The following PHTF1 variants were observed in gnomAD, a reference collection of about 807,000 sequenced individuals.
The protein encoded by PHTF1 is putative homeodomain transcription factor 1, also known as protein PHTF1.
A neutral mutation model predicts 102.4 loss-of-function variants in PHTF1; 88 were observed. The ratio of observed to expected loss-of-function variants is 0.86; its 90% confidence interval spans 0.72 to 1.03. PHTF1 has a LOEUF of 1.03. PHTF1 is among the 50% of genes least tolerant of loss of function. The pLI, the probability that PHTF1 is intolerant of heterozygous loss-of-function variation, is 0.00. For synonymous variants in PHTF1, 289 were observed against 305.2 expected (o/e 0.95, Z 0.55); for missense variants, 814 against 909.5 (o/e 0.89, Z 1.35).
chr1:113,749,172 A>G (rs1657653852), intron 3 of PHTF1, among the ~76,000 whole-genome samples: 1 of 152,204 alleles, frequency 6.6e-6, no homozygotes, highest in Non-Finnish European at 1.5e-5. Context: ...GGTAGTAATT[A>G]TATCTTTAAA....
At chr1:113,706,229 T>C (rs1650158127) in intron 12 of PHTF1, 67 bp from the exon 13 acceptor site, 1 of 1,300,598 alleles carries the variant, frequency 7.7e-7, no homozygotes, top group East Asian at 2.3e-5. Flanking sequence ...GCAGTATTTA[T>C]CAAACACTAT....
rs140944098 is a variant in PHTF1, at chr1:113,750,661, T to C, written c.102+7038A>G. Among the ~76,000 whole-genome samples the C allele has an allele frequency of 8.8e-4, 133 of 150,832 alleles. No individual in the cohort carries two copies. In the East Asian group the frequency reaches 8.9e-3, roughly 10 times the overall value. ...ATCATGAAATCAAGAGATCGAGCCA[T>C]CCTGGCCAACATGGTGAAACCCCAC... On this transcript the variant is annotated intron_variant, in intron 3 of 18. Coordinates refer to ENST00000369604, the MANE Select transcript of PHTF1 (RefSeq NM_001323043.2).
At chr1:113,758,020 G>A (rs1659136108) in intron 2 of PHTF1, among the ~76,000 whole-genome samples, 1 of 151,982 alleles carries the variant, frequency 6.6e-6, no homozygotes, top group African/African-American at 2.4e-5. Context: ...TTCTTGGGCG[G>A]GCATGGTGGC....
chr1:113,754,677 G>C (rs1028999391), intron 3 of PHTF1, among the ~76,000 whole-genome samples: 1 of 151,940 alleles, frequency 6.6e-6, no homozygotes, highest in African/African-American at 2.4e-5. Context: ...AGAATAATAA[G>C]TACTACTCTG....
chr1:113,709,817 A>T (rs1161053622), intron 11 of PHTF1, among the ~76,000 whole-genome samples: 2 of 152,188 alleles, frequency 1.3e-5, no homozygotes, highest in Non-Finnish European at 1.5e-5. Context: ...TGGCTATCTG[A>T]CTTTATGATA....
intron 18 of PHTF1, 94 bp downstream of exon 18, chr1:113,698,161 ACACACAC>A: frequency 5.9e-6 from 2 of 338,414 alleles, no homozygotes; most frequent in South Asian, 1.0e-4. Flanking sequence ...AAACACACAC[ACACACAC>A]ACACACACAC....
intron 5 of PHTF1, among the ~76,000 whole-genome samples, chr1:113,730,772 T>TAA (rs1654516983): frequency 6.6e-6 from 1 of 152,228 alleles, no homozygotes; most frequent in Non-Finnish European, 1.5e-5. Context: ...AATCTCTAAG[T>TAA]ATCTCTCAGA....
intron 11 of PHTF1, 60 bp from the exon 12 acceptor site, chr1:113,706,782 T>C: frequency 7.9e-7 from 1 of 1,272,724 alleles, no homozygotes; most frequent in East Asian, 2.4e-5. Context: ...TTAGTTTTTC[T>C]TTCCCAGGCT....
intron 3 of PHTF1, among the ~76,000 whole-genome samples, chr1:113,739,884 AT>A (rs1419325320): frequency 6.6e-6 from 1 of 152,162 alleles, no homozygotes; most frequent in East Asian, 1.9e-4. Flanking sequence ...CTCCATTTCC[AT>A]TCTTGTTGCC....
chr1:113,717,129 G>A (rs577021140), intron 7 of PHTF1, among the ~76,000 whole-genome samples: 1 of 151,992 alleles, frequency 6.6e-6, no homozygotes, highest in Admixed American at 6.6e-5. Flanking sequence ...TTGTTTGCTT[G>A]TTTATGCAAT....
chr1:113,722,233 C>T (rs1051940372), intron 7 of PHTF1, among the ~76,000 whole-genome samples: 2 of 151,798 alleles, frequency 1.3e-5, no homozygotes, highest in African/African-American at 2.4e-5. Flanking sequence ...GGGCGGATCA[C>T]GAGGTCAGGA....
rs60517410 is a variant in PHTF1, at chr1:113,715,648, CAAAAAAAAAAAAAAA to C, written c.624-2225_624-2211del. Among the ~76,000 whole-genome samples, 18 of 24,980 alleles carry C rather than the reference CAAAAAAAAAAAAAAA, an allele frequency of 7.2e-4. 1 individual carries two copies. The highest frequency in any genetic ancestry group is 3.6e-3 in the East Asian group (1 of 276). 16.4% of individuals were successfully genotyped at this position (24,980 alleles called of 152,430 possible). A position where few individuals can be genotyped will look rare whatever the true frequency, so the allele number is the denominator to read the frequency against. ...GAGCAATGACAGTGAAACCCTGTCTCAAAAAAAAAAAAAAAAAAAAAAAAAAAAAAAAGCTATTTT... is the reference window on the plus strand; with the variant it reads ...GAGCAATGACAGTGAAACCCTGTCTCAAAAAAAAAAAAAAAAAGCTATTTT... On this transcript the variant is annotated intron_variant, in intron 7 of 18. Transcript: ENST00000369604.
chr1:113,706,591 T>TACCCTGCTCATGATGATGCCAC lies in PHTF1; in HGVS notation c.1379_1398+2dup, dbSNP rs1650222520. Reference sequence around the variant, plus strand: ...AAAAATCTGAAAACATATTCAGTCTTACCCTGCTCATGATGATGCCACTTA... The same window carrying TACCCTGCTCATGATGATGCCAC: ...AAAAATCTGAAAACATATTCAGTCTTACCCTGCTCATGATGATGCCACACCCTGCTCATGATGATGCCACTTA... On this transcript the variant is annotated splice_region_variant and intron_variant, in intron 12 of 18. Coordinates refer to ENST00000369604, the MANE Select transcript of PHTF1 (RefSeq NM_001323043.2). 1 of 1,601,966 alleles carries TACCCTGCTCATGATGATGCCAC rather than the reference T, an allele frequency of 6.2e-7. No homozygotes were observed. The highest frequency in any genetic ancestry group is 1.3e-5 in the African/African-American group (1 of 74,222).
At chr1:113,751,871 C>T (rs1658137874) in intron 3 of PHTF1, among the ~76,000 whole-genome samples, 1 of 152,192 alleles carries the variant, frequency 6.6e-6, no homozygotes, top group Non-Finnish European at 1.5e-5. Flanking sequence ...TCCTCCATCA[C>T]CTTGCCAACA....
At chr1:113,698,215 T>G in intron 18 of PHTF1, 47 bp downstream of exon 18, 1 of 1,407,842 alleles carries the variant, frequency 7.1e-7, no homozygotes. Context: ...TTTCTGTACA[T>G]AGTAATTTTT....
intron 3 of PHTF1, among the ~76,000 whole-genome samples, chr1:113,753,871 A>G (rs1030967739): frequency 1.3e-5 from 2 of 151,032 alleles, no homozygotes; most frequent in South Asian, 2.1e-4. Context: ...GAGTCTCCCT[A>G]TGTTGCCCGG....
At chr1:113,702,944 T>A (rs1298975452) in intron 15 of PHTF1, among the ~76,000 whole-genome samples, 1 of 152,136 alleles carries the variant, frequency 6.6e-6, no homozygotes, top group African/African-American at 2.4e-5. Context: ...CTGAATTGGA[T>A]CCTGGATTCA....
intron 10 of PHTF1, among the ~76,000 whole-genome samples, chr1:113,710,808 A>T (rs61817581): frequency 6.7e-5 from 6 of 89,882 alleles, no homozygotes; most frequent in African/African-American, 2.3e-4. Flanking sequence ...ATATATATAT[A>T]TATTTTTTTT....
intron 3 of PHTF1, among the ~76,000 whole-genome samples, chr1:113,749,353 T>C (rs1039954088): frequency 6.6e-5 from 10 of 152,236 alleles, no homozygotes; most frequent in Non-Finnish European, 1.3e-4. Context: ...GACCTCACTA[T>C]AGAGGCGTGG....
Sources: gnomAD v4.1 joint callset for allele counts (sites outside exome capture counted in the v4.1 genomes callset) on GRCh38, gnomAD v4.1.1 for gene constraint, MANE v1.5 for transcripts, NCBI Gene and HGNC (gene_info 2026-07-23, HGNC 2026-07-21) for gene names.